Variants in MIA2 observed in about 807,000 individuals in gnomAD.
The protein encoded by MIA2 is melanoma inhibitory activity protein 2.
In MIA2, 127 loss-of-function variants were observed where a neutral mutation model predicts 167.8. The ratio of observed to expected loss-of-function variants is 0.76; its 90% CI spans 0.66 to 0.88. MIA2 has a LOEUF of 0.88. Ranked by LOEUF, MIA2 falls within the 40% of genes least tolerant of loss-of-function variation. MIA2 has a pLI of 0.00. For missense variants in MIA2, 1,690 were observed against 1,624.7 expected (o/e 1.04, Z -0.69); for synonymous variants, 552 against 541.9 (o/e 1.02, Z -0.26).
At chr14:39,321,830 G>A (rs1258535809) in intron 24 of MIA2, among the ~76,000 whole-genome samples, 2 of 150,240 alleles carry the variant, frequency 1.3e-5, no homozygotes, top group African/African-American at 2.5e-5. Context: ...GCGCGATCTC[G>A]GCTCACTGCA....
intron 7 of MIA2, among the ~76,000 whole-genome samples, chr14:39,277,938 C>A (rs1295427853): frequency 6.6e-6 from 1 of 150,772 alleles, no homozygotes; most frequent in Non-Finnish European, 1.5e-5. Flanking sequence ...CTACACAGGT[C>A]CATGTCACTC....
Position 39,348,898 on chromosome 14 carries a change from T to A in MIA2, c.3993T>A (p.Pro1331=). Residue 1331 remains proline (P), a synonymous_variant, in exon 28 of 29, where the codon CCT becomes CCA. Coordinates refer to ENST00000640607, the MANE Select transcript of MIA2 (RefSeq NM_001329214.4). ...LRRGPPFPPP[P]PGAMFGASRD... ...GAGGACCTCCTTTCCCCCCACCTCC[T>A]CCAGGAGCCATGTTTGGAGCTTCTC... 16 of 1,614,070 alleles carry A rather than the reference T, an allele frequency of 9.9e-6. No individual in the cohort carries two copies. The highest frequency in any genetic ancestry group is 1.4e-5 in the Non-Finnish European group (16 of 1,179,980).
chr14:39,290,345 T>G (rs2060564041), intron 9 of MIA2, among the ~76,000 whole-genome samples: 1 of 152,172 alleles, frequency 6.6e-6, no homozygotes, highest in African/African-American at 2.4e-5. Context: ...TTTTTGGTAT[T>G]TTTTGTCAAG....
At chr14:39,266,862 G>A (rs903549129) in intron 6 of MIA2, 2 of 762,190 alleles carry the variant, frequency 2.6e-6, no homozygotes, top group East Asian at 1.3e-4. Flanking sequence ...GTTGCGCCGA[G>A]ACGCCTCTAG....
At chr14:39,358,972 G>A (rs1199493517) in intron 23 of MIA2, among the ~76,000 whole-genome samples, 2 of 152,238 alleles carry the variant, frequency 1.3e-5, no homozygotes, top group Non-Finnish European at 2.9e-5. Flanking sequence ...ACTGGGGGAT[G>A]CCTCCCAGTT....
chr14:39,344,756 C>G (rs2072843136), intron 25 of MIA2, among the ~76,000 whole-genome samples: 1 of 152,136 alleles, frequency 6.6e-6, no homozygotes, highest in South Asian at 2.1e-4. Flanking sequence ...TGTCGTTCTC[C>G]TTATTTTTGG....
intron 22 of MIA2, among the ~76,000 whole-genome samples, chr14:39,318,979 A>G (rs1176608542): frequency 6.6e-6 from 1 of 152,178 alleles, no homozygotes; most frequent in Non-Finnish European, 1.5e-5. Context: ...AAATAAAACA[A>G]TTGTAAGGCT....
chr14:39,261,795 G>A (rs111830470), intron 6 of MIA2, among the ~76,000 whole-genome samples: 8 of 152,142 alleles, frequency 5.3e-5, no homozygotes, highest in Non-Finnish European at 1.2e-4. Context: ...CTTCTTTTGA[G>A]AAGTGTCTGT....
intron 23 of MIA2, among the ~76,000 whole-genome samples, chr14:39,359,263 C>T (rs965309167): frequency 1.3e-5 from 2 of 152,212 alleles, no homozygotes; most frequent in Non-Finnish European, 2.9e-5. Flanking sequence ...GGGCACCCCT[C>T]CCCCAGCCTT....
intron 25 of MIA2, among the ~76,000 whole-genome samples, chr14:39,338,343 T>C (rs1340624737): frequency 6.6e-6 from 1 of 152,222 alleles, no homozygotes; most frequent in East Asian, 1.9e-4. Flanking sequence ...TGCATCTTTC[T>C]GTGAATCTAT....
intron 9 of MIA2, among the ~76,000 whole-genome samples, chr14:39,285,456 G>A (rs1467363351): frequency 2.1e-5 from 3 of 145,480 alleles, no homozygotes; most frequent in East Asian, 2.1e-4. Flanking sequence ...CGGACGGGGC[G>A]GCTGGCCGGG....
intron 1 of MIA2, among the ~76,000 whole-genome samples, chr14:39,235,181 G>A (rs1056915545): frequency 3.3e-5 from 5 of 151,702 alleles, no homozygotes; most frequent in Non-Finnish European, 7.4e-5. Flanking sequence ...GATTATAGGC[G>A]CACGCCACCA....
intron 9 of MIA2, among the ~76,000 whole-genome samples, chr14:39,284,156 G>A (rs566806335): frequency 6.6e-6 from 1 of 152,060 alleles, no homozygotes; most frequent in African/African-American, 2.4e-5. Context: ...CTTTTTCCCT[G>A]TGTTTTCTTC....
At chr14:39,238,007 T>C (rs1363284036) in intron 2 of MIA2, among the ~76,000 whole-genome samples, 9 of 152,040 alleles carry the variant, frequency 5.9e-5, no homozygotes, top group African/African-American at 2.2e-4. Context: ...TCCAAAGAGC[T>C]GGGATTACAG....
chr14:39,271,193 A>T (rs115670640), intron 6 of MIA2, among the ~76,000 whole-genome samples: 1,566 of 152,292 alleles, frequency 0.01, 25 homozygotes, highest in African/African-American at 0.035. Flanking sequence ...TTATTGGCTT[A>T]TTCTAGTATG....
rs769534317 is a variant in MIA2 at position 39,238,793 on chromosome 14, C to CAAA, written c.250-1752_250-1750dup. The stretch of plus-strand genomic sequence containing the variant: ...TGGGTTACAAAGTGAGACCCTGTCT[C>CAAA]AAAAAAAAAAAAAAAAAACCCAAAA... On this transcript the variant is annotated intron_variant, in intron 2 of 28. Transcript: ENST00000640607. Among the ~76,000 whole-genome samples the CAAA allele has an allele frequency of 4.5e-4, 14 of 30,818 alleles. 1 individual carries two copies. Among genetic ancestry groups the CAAA allele is most frequent in the South Asian group, 1.5e-3 (1 of 674 alleles). 20.2% of individuals were successfully genotyped at this position (30,818 alleles called of 152,430 possible).
intron 20 of MIA2, 21 bp downstream of exon 20, chr14:39,314,820 G>GTGTGTA: frequency 8.4e-7 from 1 of 1,196,834 alleles, no homozygotes; most frequent in Non-Finnish European, 1.2e-6. Context: ...ATGTGTGTGT[G>GTGTGTA]TGTGTGTGTG....
chr14:39,355,005 G>T (rs1239615561), downstream of MIA2, among the ~76,000 whole-genome samples: 1 of 152,054 alleles, frequency 6.6e-6, no homozygotes, highest in Non-Finnish European at 1.5e-5. Context: ...GATGCCTCCA[G>T]CTTTGTTCTT....
At chr14:39,377,556 A>T (rs1185877720) in intron 23 of MIA2, among the ~76,000 whole-genome samples, 2 of 152,220 alleles carry the variant, frequency 1.3e-5, no homozygotes, top group Non-Finnish European at 2.9e-5. Flanking sequence ...AATAAAAATG[A>T]AAACATTAGG....
Sources: allele counts gnomAD v4.1 joint callset (sites outside exome capture counted in the v4.1 genomes callset), GRCh38; gene constraint gnomAD v4.1.1; transcripts MANE v1.5; gene names NCBI Gene and HGNC (gene_info 2026-07-23, HGNC 2026-07-21).